The following TLN2 variants were observed in gnomAD, a reference collection of about 807,000 sequenced individuals.
TLN2 encodes the protein talin-2.
TLN2 carries 118 observed loss-of-function variants against 294.7 expected under a neutral mutation model. The ratio of observed to expected loss-of-function variants is 0.40; its 90% CI spans 0.34 to 0.47. The LOEUF is 0.47. TLN2 is among the 20% of genes least tolerant of loss of function. The pLI, the probability that TLN2 is intolerant of heterozygous loss-of-function variation, is 0.84. For missense variants in TLN2, 3,083 were observed against 3,282.2 expected, an observed-to-expected ratio of 0.94 and a Z score of 1.48; for synonymous variants, 1,431 against 1,304.5, an observed-to-expected ratio of 1.10 and a Z score of -2.09.
At chr15:62,393,579 G>C (rs2032281938) in intron 1 of TLN2, among the ~76,000 whole-genome samples, 1 of 152,140 alleles carries the variant, frequency 6.6e-6, no homozygotes, top group Admixed American at 6.5e-5. Flanking sequence ...GACGATTACA[G>C]GTGGTGAATG....
In TLN2 at chr15:62,640,396, G is replaced by A. The variant is rs781526356; in HGVS notation, c.-36-6879G>A. ...AGAGAGAAGAGGGGGACGGTGGCCAGCTCTTACTCTTGTAGACCTCCACGG... is the reference window on the plus strand; with the variant it reads ...AGAGAGAAGAGGGGGACGGTGGCCAACTCTTACTCTTGTAGACCTCCACGG... On this transcript the variant is annotated intron_variant, in intron 3 of 58. Transcript: ENST00000636159. 7 of 455,500 alleles carry A rather than the reference G, an allele frequency of 1.5e-5. No homozygotes were observed. The Admixed American group carries it at 1.6e-4, about 11-fold the overall frequency. 28.2% of individuals were successfully genotyped at this position (455,500 alleles called of 1,614,324 possible).
At chr15:62,468,676 C>T (rs180761108) in intron 1 of TLN2, among the ~76,000 whole-genome samples, 47 of 149,704 alleles carry the variant, frequency 3.1e-4, no homozygotes, top group Non-Finnish European at 6.2e-4. Flanking sequence ...ACCCGGGAGG[C>T]GGAGCTTGCA....
intron 41 of TLN2, among the ~76,000 whole-genome samples, chr15:62,769,282 A>T (rs1485518581): frequency 6.6e-6 from 1 of 152,238 alleles, no homozygotes; most frequent in East Asian, 1.9e-4. Context: ...TTTGGTGGTG[A>T]CACCAGTGCC....
chr15:62,793,983 C>A (rs1252864829), intron 46 of TLN2, among the ~76,000 whole-genome samples: 4 of 151,884 alleles, frequency 2.6e-5, no homozygotes. Context: ...TGGGACTCCA[C>A]AGACGAGGAA....
chr15:62,766,100 C>T (rs1443070919), intron 40 of TLN2, among the ~76,000 whole-genome samples: 1 of 152,134 alleles, frequency 6.6e-6, no homozygotes, highest in African/African-American at 2.4e-5. Flanking sequence ...AGCAAGAAGC[C>T]AGTTGCAAAA....
chr15:62,474,989 A>G (rs1377326501), intron 1 of TLN2, among the ~76,000 whole-genome samples: 2 of 152,162 alleles, frequency 1.3e-5, no homozygotes, highest in Non-Finnish European at 2.9e-5. Flanking sequence ...GTTCTACGCT[A>G]TGCAAAAGAA....
At chr15:62,714,361 C>A (rs1017080199) in intron 22 of TLN2, among the ~76,000 whole-genome samples, 1 of 151,846 alleles carries the variant, frequency 6.6e-6, no homozygotes, top group Non-Finnish European at 1.5e-5. Context: ...TGCCACCACG[C>A]CCGGCTAATT....
At chr15:62,754,831 C>T (rs897470459) in intron 36 of TLN2, 1 of 152,200 alleles carries the variant, frequency 6.6e-6, no homozygotes, top group East Asian at 1.9e-4. Flanking sequence ...GCCTGTGGAA[C>T]TTCCTGAGCC....
At chr15:62,757,295 T>A in intron 37 of TLN2, among the ~76,000 whole-genome samples, 1 of 152,158 alleles carries the variant, frequency 6.6e-6, no homozygotes, top group East Asian at 1.9e-4. Context: ...AAGTCATCTC[T>A]CCAGCCTGGG....
chr15:62,806,371 C>T (rs2066286553), intron 51 of TLN2, among the ~76,000 whole-genome samples: 2 of 152,130 alleles, frequency 1.3e-5, no homozygotes, highest in South Asian at 4.1e-4. Context: ...TGGTGGAGGC[C>T]TCTCCGAGGG....
intron 1 of TLN2, among the ~76,000 whole-genome samples, chr15:62,578,697 G>A (rs1038630816): frequency 3.3e-5 from 5 of 152,324 alleles, no homozygotes; most frequent in South Asian, 2.1e-4. Flanking sequence ...CTGAGAGGCC[G>A]CATGTGGGGA....
chr15:62,495,306 T>G (rs966749248), intron 1 of TLN2, among the ~76,000 whole-genome samples: 2 of 152,222 alleles, frequency 1.3e-5, no homozygotes, highest in African/African-American at 2.4e-5. Flanking sequence ...TGTTTTTGTT[T>G]TGAGTGATCC....
chr15:62,615,635 G>A (rs1178456920), intron 2 of TLN2, among the ~76,000 whole-genome samples: 3 of 152,154 alleles, frequency 2.0e-5, no homozygotes, highest in African/African-American at 7.2e-5. Flanking sequence ...TCATATGCAC[G>A]TGTGTATGTA....
chr15:62,412,378 T>C (rs1259399156), intron 1 of TLN2, among the ~76,000 whole-genome samples: 2 of 152,206 alleles, frequency 1.3e-5, no homozygotes, highest in Non-Finnish European at 2.9e-5. Flanking sequence ...TGGCTCCAAA[T>C]TGAGTGCTCT....
rs56258541 is a variant in TLN2, at chr15:62,673,310, C to CTTTTTTTTTTT, written c.789-509_789-499dup. Reference sequence around the variant, plus strand: ...GTTTGCTTTAGATTTTTAGATGTTGCTTTTTTTTTTTTTTTTTTGCAATTT... The same window carrying CTTTTTTTTTTT: ...GTTTGCTTTAGATTTTTAGATGTTGCTTTTTTTTTTTTTTTTTTTTTTTTTTTTTGCAATTT... On this transcript the variant is annotated intron_variant, in intron 9 of 58. Coordinates refer to ENST00000636159, the MANE Select transcript of TLN2 (RefSeq NM_015059.3). Among the ~76,000 whole-genome samples the CTTTTTTTTTTT allele has an allele frequency of 8.4e-3, 359 of 42,838 alleles. 82 individuals carry two copies. The highest frequency in any genetic ancestry group is 0.015 in the African/African-American group (195 of 13,396). The allele number at this position is 42,838 out of a possible 152,430, so 28.1% of individuals were successfully genotyped here. A position where few individuals can be genotyped will look rare whatever the true frequency, so the allele number is the denominator to read the frequency against.
chr15:62,737,086 G>C lies in TLN2; in HGVS notation c.3567G>C (p.Gln1189His). 1.2e-6 allele frequency: 2 copies of C among 1,614,096 alleles called. No individual in the cohort carries two copies. The highest frequency in any genetic ancestry group is 1.7e-6 in the Non-Finnish European group (2 of 1,179,992). The change falls in exon 29 of 59, where the codon CAG becomes CAC. Residue 1189 changes from glutamine to histidine, a missense_variant and splice_region_variant. Physicochemically the swap from Gln to His is conservative, Grantham distance 24. Transcript: ENST00000636159. ...GDAERQQRLA[Q>H]VAKAVSHSLN... ...CAGAGCGTCAACAAAGACTGGCTCAGGTGAGGCTAGGAATGAGAAATTGTG... is the reference window on the plus strand; with the variant it reads ...CAGAGCGTCAACAAAGACTGGCTCACGTGAGGCTAGGAATGAGAAATTGTG...
At chr15:62,482,499 G>T (rs143442536) in intron 1 of TLN2, among the ~76,000 whole-genome samples, 3,594 of 148,498 alleles carry the variant, frequency 0.024, 46 homozygotes, top group African/African-American at 0.028. Context: ...CTACTCAGGA[G>T]GGGGGAGGCA....
chr15:62,768,618 A>T (rs939601779), intron 41 of TLN2, among the ~76,000 whole-genome samples: 18 of 152,214 alleles, frequency 1.2e-4, no homozygotes, highest in Admixed American at 1.1e-3. Flanking sequence ...CTAGGAATGA[A>T]CGTTATGTAC....
intron 44 of TLN2, among the ~76,000 whole-genome samples, chr15:62,782,959 C>G (rs200320920): frequency 6.6e-6 from 1 of 152,150 alleles, no homozygotes; most frequent in Non-Finnish European, 1.5e-5. Flanking sequence ...ATTAAAACTG[C>G]TTTTGTGAGA....
Sources: allele counts gnomAD v4.1 joint callset (sites outside exome capture counted in the v4.1 genomes callset), GRCh38; gene constraint gnomAD v4.1.1; transcripts MANE v1.5; gene names NCBI Gene and HGNC (gene_info 2026-07-23, HGNC 2026-07-21).